RASGRF2: variants seen among roughly 807,000 people sequenced by gnomAD.
The protein encoded by RASGRF2 is Ras protein specific guanine nucleotide releasing factor 2, also known as ras-specific guanine nucleotide-releasing factor 2.
Under a neutral mutation model 151.0 loss-of-function variants are expected in RASGRF2, and 76 were observed. The ratio of observed to expected loss-of-function variants is 0.50; its 90% CI spans 0.42 to 0.61. The LOEUF (loss-of-function observed/expected upper bound fraction) is 0.61. RASGRF2 is among the 20% of genes least tolerant of loss of function. The pLI is 0.00. For synonymous variants in RASGRF2, 504 were observed against 566.5 expected (o/e 0.89, Z 1.57); for missense variants, 1,148 against 1,564.6 (o/e 0.73, Z 4.49).
intron 10 of RASGRF2, 144 bp downstream of exon 10, chr5:81,093,105 C>A: frequency 2.4e-6 from 2 of 823,972 alleles, no homozygotes; most frequent in Non-Finnish European, 1.8e-6. Context: ...TGTACTGTTA[C>A]CAACTCTGCC....
intron 1 of RASGRF2, among the ~76,000 whole-genome samples, chr5:81,007,323 T>A (rs1252713197): frequency 6.6e-6 from 1 of 152,220 alleles, no homozygotes; most frequent in Non-Finnish European, 1.5e-5. Flanking sequence ...TTTTTCTTTT[T>A]GCCTACTTTC....
intron 12 of RASGRF2, 21 bp downstream of exon 12, chr5:81,095,013 A>G: frequency 7.2e-7 from 1 of 1,394,656 alleles, no homozygotes; most frequent in South Asian, 1.9e-5. Flanking sequence ...GGCTTTTGCC[A>G]AATTTTTGTT....
intron 23 of RASGRF2, among the ~76,000 whole-genome samples, chr5:81,212,953 T>G (rs1243449620): frequency 6.6e-6 from 1 of 152,234 alleles, no homozygotes; most frequent in East Asian, 1.9e-4. Context: ...TTTTTCACCT[T>G]TCTCTTGCTC....
Position 81,177,309 on chromosome 5 carries a change from ATCC to A in RASGRF2, c.2687-2863_2687-2861del, listed in dbSNP as rs1475002830. ...ACTCTGCCAAGAACACATCATCACC[ATCC>A]TCTGACAGAATTAAAATGTCCACTG... is the stretch of plus-strand genomic sequence containing the variant. On this transcript the variant is annotated intron_variant, in intron 17 of 26. Coordinates refer to ENST00000265080, the MANE Select transcript of RASGRF2 (RefSeq NM_006909.3). Among the ~76,000 whole-genome samples the A allele has an allele frequency of 2.0e-5, 3 of 152,028 alleles. No homozygotes were observed. In the East Asian group the frequency reaches 5.8e-4, roughly 29 times the overall value.
chr5:81,043,715 C>A (rs927486348), intron 2 of RASGRF2, among the ~76,000 whole-genome samples: 1 of 152,200 alleles, frequency 6.6e-6, no homozygotes, highest in African/African-American at 2.4e-5. Context: ...CAGGCTGTTG[C>A]TCCACTACTC....
chr5:81,112,040 T>A (rs1263234088), intron 13 of RASGRF2, among the ~76,000 whole-genome samples: 1 of 152,108 alleles, frequency 6.6e-6, no homozygotes, highest in Non-Finnish European at 1.5e-5. Flanking sequence ...CATGACTGAA[T>A]TAGAGAGAAG....
intron 1 of RASGRF2, among the ~76,000 whole-genome samples, chr5:80,983,947 G>A (rs914175712): frequency 2.0e-5 from 3 of 152,152 alleles, no homozygotes; most frequent in African/African-American, 4.8e-5. Context: ...TTTGTGGTGC[G>A]TATTATATTT....
chr5:81,135,016 T>TAC (rs1753719317), intron 17 of RASGRF2, among the ~76,000 whole-genome samples: 1 of 152,236 alleles, frequency 6.6e-6, no homozygotes, highest in East Asian at 1.9e-4. Context: ...GTTTAAAGCC[T>TAC]ACAGTTCAAG....
At chr5:81,204,655 A>G (rs930135638) in intron 19 of RASGRF2, among the ~76,000 whole-genome samples, 11 of 152,188 alleles carry the variant, frequency 7.2e-5, no homozygotes, top group African/African-American at 2.7e-4. Flanking sequence ...TTCAAAATCT[A>G]TTCAGTGTAG....
intron 15 of RASGRF2, among the ~76,000 whole-genome samples, chr5:81,121,283 T>C (rs950803250): frequency 1.3e-5 from 2 of 152,228 alleles, no homozygotes; most frequent in African/African-American, 4.8e-5. Flanking sequence ...ATGAATCCCG[T>C]GCCAAGAACT....
intron 2 of RASGRF2, among the ~76,000 whole-genome samples, chr5:81,055,374 A>G (rs1425760939): frequency 2.0e-5 from 3 of 152,144 alleles, no homozygotes; most frequent in Non-Finnish European, 2.9e-5. Context: ...TTCTGGATCT[A>G]TTGAGATAAT....
intron 17 of RASGRF2, among the ~76,000 whole-genome samples, chr5:81,135,794 C>CATA (rs1753739175): frequency 1.3e-5 from 2 of 152,130 alleles, no homozygotes; most frequent in African/African-American, 2.4e-5. Flanking sequence ...TGAGTACATA[C>CATA]CCAGGAGTAG....
chr5:81,096,138 AC>A (rs1287550268), intron 12 of RASGRF2: 2 of 152,102 alleles, frequency 1.3e-5, no homozygotes, highest in African/African-American at 4.8e-5. Context: ...TTACTTATAT[AC>A]CCTCAGGATG....
chr5:81,224,667 T>G (rs1021072762), intron 26 of RASGRF2, among the ~76,000 whole-genome samples: 5 of 152,294 alleles, frequency 3.3e-5, no homozygotes, highest in African/African-American at 1.2e-4. Flanking sequence ...GATAAACAAA[T>G]TATGGTATAT....
chr5:81,042,874 C>T lies in RASGRF2; in HGVS notation c.289-3C>T. 6.3e-7 allele frequency: 1 copy of T among 1,599,482 alleles called. No homozygotes were observed. Among genetic ancestry groups the T allele is most frequent in the Non-Finnish European group, 8.5e-7 (1 of 1,171,180 alleles). On this transcript the variant is annotated splice_region_variant and splice_polypyrimidine_tract_variant and intron_variant, in intron 1 of 26. Coordinates refer to ENST00000265080, the MANE Select transcript of RASGRF2 (RefSeq NM_006909.3). Reference sequence around the variant, plus strand: ...AGTTTTTTGTGTTTCTTTTTCTTTCCAGTATTACTTTACTGTTCTTTTTGG... The same window carrying T: ...AGTTTTTTGTGTTTCTTTTTCTTTCTAGTATTACTTTACTGTTCTTTTTGG...
chr5:81,056,155 T>C (rs1252572044), intron 2 of RASGRF2, among the ~76,000 whole-genome samples: 1 of 152,112 alleles, frequency 6.6e-6, no homozygotes, highest in Non-Finnish European at 1.5e-5. Context: ...TTAGTTATTT[T>C]TTGCCTTCTG....
At chr5:81,031,116 T>G (rs908662131) in intron 1 of RASGRF2, among the ~76,000 whole-genome samples, 8 of 152,316 alleles carry the variant, frequency 5.3e-5, no homozygotes, top group South Asian at 2.1e-4. Flanking sequence ...TAAATATATA[T>G]GCACCCAATC....
chr5:81,124,692 GA>G (rs11332303), intron 16 of RASGRF2, among the ~76,000 whole-genome samples: 53,654 of 151,740 alleles, frequency 0.35, 10,307 homozygotes, highest in African/African-American at 0.5. Context: ...TCTAATTGGA[GA>G]AAAAAAACTA....
intron 17 of RASGRF2, among the ~76,000 whole-genome samples, chr5:81,154,496 C>T (rs1754215013): frequency 6.6e-6 from 1 of 152,112 alleles, no homozygotes; most frequent in Non-Finnish European, 1.5e-5. Flanking sequence ...TTCCAAAGTG[C>T]TGAGATTATA....
Sources: allele counts gnomAD v4.1 joint callset (sites outside exome capture counted in the v4.1 genomes callset), GRCh38; gene constraint gnomAD v4.1.1; transcripts MANE v1.5; gene names NCBI Gene and HGNC (gene_info 2026-07-23, HGNC 2026-07-21).